The following TMCO4 variants were observed in gnomAD, a reference collection of about 807,000 sequenced individuals.
TMCO4 encodes the protein transmembrane and coiled-coil domain-containing protein 4.
A neutral mutation model predicts 64.7 loss-of-function variants in TMCO4; 58 were observed. That is an observed-to-expected ratio of 0.90 (90% CI 0.73 to 1.12). TMCO4 has a LOEUF of 1.12. Among genes scored for constraint, TMCO4 ranks in the 50% most tolerant of loss-of-function variants. TMCO4 has a pLI of 0.00. For synonymous variants in TMCO4, 325 were observed against 346.1 expected (o/e 0.94, Z 0.68); for missense variants, 780 against 825.9 (o/e 0.94, Z 0.68).
intron 13 of TMCO4, 32 bp from the exon 14 acceptor site, chr1:19,700,917 G>T (rs777415458): frequency 1.9e-6 from 3 of 1,592,058 alleles, no homozygotes; most frequent in Admixed American, 3.3e-5. Flanking sequence ...GGCCGTCAGT[G>T]TCCCTGGCCA....
intron 9 of TMCO4, 46 bp from the exon 10 acceptor site, chr1:19,745,697 C>A (rs202012076): frequency 6.4e-7 from 1 of 1,563,680 alleles, no homozygotes; most frequent in African/African-American, 1.3e-5. Context: ...ACTGGGGCCC[C>A]GGGGAACATC....
intron 4 of TMCO4, among the ~76,000 whole-genome samples, chr1:19,775,503 A>C (rs2043167216): frequency 6.6e-6 from 1 of 152,220 alleles, no homozygotes; most frequent in Non-Finnish European, 1.5e-5. Flanking sequence ...AGAAAACTAC[A>C]GCTAACCAGC....
chr1:19,777,980 A>G (rs906813153), intron 4 of TMCO4, among the ~76,000 whole-genome samples: 1 of 152,214 alleles, frequency 6.6e-6, no homozygotes, highest in African/African-American at 2.4e-5. Context: ...TTGAGGTTAC[A>G]GTGAGCTATG....
chr1:19,742,000 A>G (rs1192024227), intron 10 of TMCO4, among the ~76,000 whole-genome samples: 1 of 151,928 alleles, frequency 6.6e-6, no homozygotes, highest in Non-Finnish European at 1.5e-5. Context: ...CGGCCTCCCA[A>G]GTGCTGGAAT....
chr1:19,688,466 G>T (rs1220490832), intron 15 of TMCO4, among the ~76,000 whole-genome samples: 1 of 152,120 alleles, frequency 6.6e-6, no homozygotes, highest in Non-Finnish European at 1.5e-5. Flanking sequence ...GGCCCCTTTG[G>T]GTTCTTTCAC....
chr1:19,702,866 A>T (rs1413729435), intron 13 of TMCO4, among the ~76,000 whole-genome samples: 1 of 152,266 alleles, frequency 6.6e-6, no homozygotes, highest in African/African-American at 2.4e-5. Context: ...CAGATTGGAA[A>T]CCAGTAGTTC....
intron 15 of TMCO4, among the ~76,000 whole-genome samples, chr1:19,687,062 G>A (rs539136944): frequency 3.3e-5 from 5 of 151,188 alleles, no homozygotes; most frequent in South Asian, 4.2e-4. Context: ...AGCTATTTTC[G>A]TGCCTCAGCC....
chr1:19,683,384 G>C lies in TMCO4; in HGVS notation c.1561C>G (p.Arg521Gly), dbSNP rs766346118. The part of the protein sequence containing the change: ...MDAILKAVGI[R>G]TKPGWDEKGL... Reference sequence around the variant, plus strand: ...TTCTCGTCCCAGCCTGGCTTGGTGCGGATGCCCACGGCCTTCAGGATGGCA... The same window carrying C: ...TTCTCGTCCCAGCCTGGCTTGGTGCCGATGCCCACGGCCTTCAGGATGGCA... Residue 521 changes from arginine to glycine, a missense_variant, in exon 16 of 16, where the codon CGC becomes GGC. Transcript: ENST00000294543. 2.5e-6 allele frequency: 4 copies of C among 1,613,614 alleles called. No homozygotes were observed. In the African/African-American group the frequency reaches 5.3e-5, roughly 22 times the overall value.
rs1355392923 is a variant in TMCO4, at chr1:19,734,322, G to A, written c.1264+3050C>T. Among the ~76,000 whole-genome samples, 1 of 152,122 alleles carries A rather than the reference G, an allele frequency of 6.6e-6. No individual in the cohort carries two copies. The highest frequency in any genetic ancestry group is 1.5e-5 in the Non-Finnish European group (1 of 68,034). Reference sequence around the variant, plus strand: ...ACAGCAGGGGCATTAGAGGCCCTTGGGGTCTGCCGAGTTGCTGCCGTGTGA... The same window carrying A: ...ACAGCAGGGGCATTAGAGGCCCTTGAGGTCTGCCGAGTTGCTGCCGTGTGA... On this transcript the variant is annotated intron_variant, in intron 13 of 15. Coordinates refer to ENST00000294543, the MANE Select transcript of TMCO4 (RefSeq NM_181719.7). This position sits in a 1 kb window ranked among gnomAD's most constrained non-coding sequence, Gnocchi z 4.4.
At chr1:19,702,557 G>C (rs1036953656) in intron 13 of TMCO4, among the ~76,000 whole-genome samples, 15 of 152,096 alleles carry the variant, frequency 9.9e-5, no homozygotes, top group African/African-American at 3.4e-4. Flanking sequence ...ATGGGCCACT[G>C]CACTCCAGCC....
At chr1:19,749,253 C>T (rs1208963512) in intron 7 of TMCO4, among the ~76,000 whole-genome samples, 1 of 152,194 alleles carries the variant, frequency 6.6e-6, no homozygotes, top group Admixed American at 6.5e-5. Flanking sequence ...TTCAGTTATC[C>T]CTCTCTGCAG....
chr1:19,747,645 C>T (rs2041850947), intron 7 of TMCO4, among the ~76,000 whole-genome samples: 1 of 152,280 alleles, frequency 6.6e-6, no homozygotes, highest in African/African-American at 2.4e-5. Context: ...TCTTCCCCAA[C>T]CTGCCATCTG....
chr1:19,789,842 C>T (rs1294904007), intron 2 of TMCO4, among the ~76,000 whole-genome samples: 4 of 151,808 alleles, frequency 2.6e-5, no homozygotes, highest in African/African-American at 7.3e-5. Flanking sequence ...CTCTTGAGCC[C>T]AGGAGTTCGA....
At chr1:19,746,864 CAG>C (rs1179207603) in intron 8 of TMCO4, among the ~76,000 whole-genome samples, 2 of 142,174 alleles carry the variant, frequency 1.4e-5, no homozygotes, top group South Asian at 2.2e-4. Context: ...GCGGAGCTTG[CAG>C]TGAGCCGAGA....
chr1:19,780,900 CT>C, intron 3 of TMCO4, 134 bp from the exon 4 acceptor site: 1 of 734,816 alleles, frequency 1.4e-6, no homozygotes, highest in Non-Finnish European at 2.2e-6. Flanking sequence ...TTTTCATCAC[CT>C]TTAGGAGAGT....
At chr1:19,774,736 G>A (rs990487808) in intron 4 of TMCO4, among the ~76,000 whole-genome samples, 1 of 152,182 alleles carries the variant, frequency 6.6e-6, no homozygotes. Flanking sequence ...CAGTCCCTGT[G>A]CTGAGAGCTT....
rs769401993 is a variant in TMCO4, at chr1:19,739,894, C to A, written c.1109G>T (p.Trp370Leu). 40 of 1,613,892 alleles carry A rather than the reference C, an allele frequency of 2.5e-5. 1 individual carries two copies. In the South Asian group the frequency reaches 4.3e-4, roughly 17 times the overall value. ...TGCTGATCGATGGAGACACACCCCC[C>A]AGGGGTTGTCGATGACATTGGCGAC... The part of the protein sequence containing the change: ...LSVANVIDNP[W>L]GVCLHRSAEV... Residue 370 changes from tryptophan (W) to leucine (L), a missense_variant, in exon 12 of 16, where the codon TGG (tryptophan) becomes TTG (leucine). Trp to Leu is a moderately conservative substitution (Grantham distance 61, BLOSUM62 -2). Transcript: ENST00000294543.
chr1:19,704,960 T>G (rs190119248), intron 13 of TMCO4, among the ~76,000 whole-genome samples: 5 of 152,282 alleles, frequency 3.3e-5, no homozygotes, highest in Non-Finnish European at 7.4e-5. Context: ...ACCACTGCCA[T>G]GCCCAGATGT....
chr1:19,707,524 G>A (rs1357285123), intron 13 of TMCO4, among the ~76,000 whole-genome samples: 1 of 152,240 alleles, frequency 6.6e-6, no homozygotes, highest in Non-Finnish European at 1.5e-5. Flanking sequence ...TTGGGAGGCT[G>A]AGGCAGGAGA....
Sources: gnomAD v4.1 joint callset for allele counts (sites outside exome capture counted in the v4.1 genomes callset) on GRCh38, gnomAD v4.1.1 for gene constraint, Gnocchi (gnomAD v3.1) non-coding constraint, MANE v1.5 for transcripts, NCBI Gene and HGNC (gene_info 2026-07-23, HGNC 2026-07-21) for gene names.